The following LDLRAD4 variants were observed in gnomAD, a reference collection of about 807,000 sequenced individuals.
LDLRAD4 encodes low density lipoprotein receptor class A domain containing 4.
A neutral mutation model predicts 17.0 loss-of-function variants in LDLRAD4; 5 were observed. That is an observed-to-expected ratio of 0.29 (90% CI 0.15 to 0.62). The LOEUF (loss-of-function observed/expected upper bound fraction) is 0.62. Among genes scored for constraint, LDLRAD4 ranks in the 20% least tolerant of loss-of-function variants. LDLRAD4 has a pLI of 0.84. For synonymous variants in LDLRAD4, 168 were observed against 171.8 expected (o/e 0.98, Z 0.17); for missense variants, 340 against 424.7 (o/e 0.80, Z 1.75).
At chr18:13,511,660 T>C (rs2093781327) in intron 3 of LDLRAD4, among the ~76,000 whole-genome samples, 1 of 152,218 alleles carries the variant, frequency 6.6e-6, no homozygotes, top group South Asian at 2.1e-4. Flanking sequence ...AAGGACTGAC[T>C]TGAATGGACG....
chr18:13,593,422 G>C (rs1601600254), intron 3 of LDLRAD4, among the ~76,000 whole-genome samples: 1 of 152,178 alleles, frequency 6.6e-6, no homozygotes, highest in Non-Finnish European at 1.5e-5. Context: ...TCCTCGCGAT[G>C]CTTTCCACAG....
At chr18:13,318,948 G>C (rs920676503) in intron 1 of LDLRAD4, among the ~76,000 whole-genome samples, 1 of 152,152 alleles carries the variant, frequency 6.6e-6, no homozygotes, top group Non-Finnish European at 1.5e-5. Context: ...CCTTTGTTGC[G>C]CAGCTTTCTG....
chr18:13,477,642 C>T (rs76522570), intron 3 of LDLRAD4, among the ~76,000 whole-genome samples: 11,445 of 152,230 alleles, frequency 0.075, 530 homozygotes, highest in Non-Finnish European at 0.11. Context: ...TAGACCAAGC[C>T]CCTCTTTTCA....
At chr18:13,245,351 A>G (rs1329835260) in intron 1 of LDLRAD4, among the ~76,000 whole-genome samples, 1 of 152,148 alleles carries the variant, frequency 6.6e-6, no homozygotes, top group Non-Finnish European at 1.5e-5. Context: ...TTCAGGTGAT[A>G]TCAATTTTGG....
intron 3 of LDLRAD4, among the ~76,000 whole-genome samples, chr18:13,518,292 A>G (rs2093900805): frequency 2.6e-5 from 4 of 152,134 alleles, no homozygotes; most frequent in Admixed American, 2.6e-4. Flanking sequence ...TCCTACAGTC[A>G]TTAGTTCACT....
At chr18:13,569,050 C>T (rs1256919858) in intron 3 of LDLRAD4, among the ~76,000 whole-genome samples, 12 of 151,962 alleles carry the variant, frequency 7.9e-5, no homozygotes, top group African/African-American at 2.2e-4. Flanking sequence ...GTGGATTACA[C>T]GAGCAACTAC....
chr18:13,514,093 G>A (rs1812468), intron 3 of LDLRAD4, among the ~76,000 whole-genome samples: 9,551 of 152,226 alleles, frequency 0.063, 549 homozygotes, highest in East Asian at 0.22. Flanking sequence ...GTACTTTGTC[G>A]TATATGTTAA....
chr18:13,463,965 G>C (rs1045390600), intron 3 of LDLRAD4, among the ~76,000 whole-genome samples: 1 of 152,182 alleles, frequency 6.6e-6, no homozygotes, highest in African/African-American at 2.4e-5. Context: ...AAATTATAAA[G>C]GAAAGCTTTA....
At chr18:13,596,590 T>C (rs2095098717) in intron 3 of LDLRAD4, among the ~76,000 whole-genome samples, 1 of 152,192 alleles carries the variant, frequency 6.6e-6, no homozygotes, top group Non-Finnish European at 1.5e-5. Context: ...TTTTTTATGC[T>C]CTCCTTGTTA....
At chr18:13,519,543 C>T (rs1309977514) in intron 3 of LDLRAD4, among the ~76,000 whole-genome samples, 2 of 152,176 alleles carry the variant, frequency 1.3e-5, no homozygotes, top group Non-Finnish European at 2.9e-5. Context: ...GGCAGATTGC[C>T]TAAGCTCAGG....
intron 1 of LDLRAD4, among the ~76,000 whole-genome samples, chr18:13,373,005 G>A (rs374463860): frequency 1.3e-5 from 2 of 152,180 alleles, no homozygotes; most frequent in Non-Finnish European, 2.9e-5. Flanking sequence ...TATCAACAAC[G>A]GATTTTCTGG....
exon 6 of LDLRAD4, chr18:13,647,738 A>G (rs2043069446): frequency 6.6e-6 from 1 of 152,312 alleles, no homozygotes; most frequent in Admixed American, 6.5e-5. Flanking sequence ...GAGGAAAAAC[A>G]CAGGCACCAG....
chr18:13,237,905 G>A (rs1168970604), intron 1 of LDLRAD4, among the ~76,000 whole-genome samples: 2 of 152,226 alleles, frequency 1.3e-5, no homozygotes, highest in African/African-American at 4.8e-5. Flanking sequence ...ATGCTGTTAA[G>A]ATCTCGTCTC....
chr18:13,340,922 G>A (rs1368854951), intron 1 of LDLRAD4, among the ~76,000 whole-genome samples: 1 of 152,086 alleles, frequency 6.6e-6, no homozygotes. Context: ...TGTAGGACAA[G>A]GGTCCAGCTT....
chr18:13,502,580 G>A (rs1219137448), intron 3 of LDLRAD4, among the ~76,000 whole-genome samples: 1 of 152,318 alleles, frequency 6.6e-6, no homozygotes, highest in South Asian at 2.1e-4. Flanking sequence ...GAAGAAAAAA[G>A]TAAGTAGGGG....
upstream of LDLRAD4, among the ~76,000 whole-genome samples, chr18:13,277,012 C>A (rs2044916506): frequency 6.6e-6 from 1 of 152,168 alleles, no homozygotes; most frequent in Non-Finnish European, 1.5e-5. Context: ...GGGTTGTTTT[C>A]ATCTCTCAGC....
chr18:13,560,339 G>C (rs2094527522), intron 3 of LDLRAD4, among the ~76,000 whole-genome samples: 1 of 152,208 alleles, frequency 6.6e-6, no homozygotes, highest in Non-Finnish European at 1.5e-5. Context: ...CTTCTGAGCA[G>C]GTGTTTGGAA....
intron 1 of LDLRAD4, among the ~76,000 whole-genome samples, chr18:13,342,529 T>A (rs1342104282): frequency 6.7e-6 from 1 of 148,634 alleles, no homozygotes; most frequent in Admixed American, 6.7e-5. Flanking sequence ...TCATGGTTTA[T>A]TCCTAAATAT....
intron 1 of LDLRAD4, among the ~76,000 whole-genome samples, chr18:13,332,016 G>GT (rs1383507647): frequency 6.6e-6 from 1 of 152,184 alleles, no homozygotes; most frequent in African/African-American, 2.4e-5. Context: ...CTTTAGAATT[G>GT]TAAGTGGTAG....
Sources: allele counts gnomAD v4.1 joint callset (sites outside exome capture counted in the v4.1 genomes callset), GRCh38; gene constraint gnomAD v4.1.1; transcripts MANE v1.5; gene names NCBI Gene and HGNC (gene_info 2026-07-23, HGNC 2026-07-21).